MYH10: variants seen among roughly 807,000 people sequenced by gnomAD.
MYH10 encodes myosin-10.
In MYH10, 55 loss-of-function variants were observed where a neutral mutation model predicts 257.8. The ratio of observed to expected loss-of-function variants is 0.21; its 90% confidence interval spans 0.17 to 0.27. The LOEUF is 0.27. MYH10 is among the 10% of genes least tolerant of loss of function. The pLI, the probability that MYH10 is intolerant of heterozygous loss-of-function variation, is 1.00. For synonymous variants in MYH10, 854 were observed against 921.7 expected (o/e 0.93, Z 1.33); for missense variants, 1,631 against 2,500.6 (o/e 0.65, Z 7.42).
intron 37 of MYH10, among the ~76,000 whole-genome samples, chr17:8,481,904 G>A (rs1362215306): frequency 6.6e-6 from 1 of 152,246 alleles, no homozygotes; most frequent in Non-Finnish European, 1.5e-5. Flanking sequence ...GAGGAGGCAG[G>A]TGGGGGCCTC....
chr17:8,480,546 G>A (rs369085723), intron 38 of MYH10, 21 bp from the exon 39 acceptor site: 6 of 1,602,216 alleles, frequency 3.7e-6, no homozygotes, highest in Non-Finnish European at 4.2e-6. Context: ...GAGGAGGAGG[G>A]GACGGTTCAA....
chr17:8,590,469 T>G (rs944966212), intron 3 of MYH10, among the ~76,000 whole-genome samples: 1 of 151,774 alleles, frequency 6.6e-6, no homozygotes, highest in African/African-American at 2.4e-5. Context: ...GGTGCCACCA[T>G]GCCCGGCTAA....
At chr17:8,623,898 G>A (rs368606361) in intron 1 of MYH10, among the ~76,000 whole-genome samples, 3 of 152,130 alleles carry the variant, frequency 2.0e-5, no homozygotes, top group East Asian at 1.9e-4. Flanking sequence ...TCACACGGCA[G>A]CCTTTTGAAT....
At chr17:8,484,816 G>C (rs574071991) in intron 36 of MYH10, among the ~76,000 whole-genome samples, 1 of 152,252 alleles carries the variant, frequency 6.6e-6, no homozygotes, top group East Asian at 1.9e-4. Context: ...CTCTGATTAA[G>C]GGCATCAATG....
At chr17:8,555,249 C>T (rs1483486537) in intron 7 of MYH10, among the ~76,000 whole-genome samples, 1 of 152,128 alleles carries the variant, frequency 6.6e-6, no homozygotes, top group Non-Finnish European at 1.5e-5. Flanking sequence ...ATCATATAAA[C>T]AGTCAAGGGA....
intron 6 of MYH10, among the ~76,000 whole-genome samples, chr17:8,570,073 C>G (rs1159251160): frequency 6.6e-6 from 1 of 152,160 alleles, no homozygotes; most frequent in Admixed American, 6.5e-5. Context: ...TCAACTTAAG[C>G]ATGGGGCACG....
chr17:8,604,954 A>T lies in MYH10; in HGVS notation c.374T>A (p.Ile125Lys), dbSNP rs2084742628. The change falls in exon 3 of 43, where the codon ATA becomes AAA. Residue 125 changes from isoleucine to lysine, a missense_variant. Physicochemically the swap from Ile to Lys is moderately radical, Grantham distance 102. Around this residue, in one of 11 missense-constraint regions of MYH10, gnomAD observed 360 missense variants for 581.9 expected, o/e 0.62. Coordinates refer to ENST00000360416, the MANE Select transcript of MYH10 (RefSeq NM_001256012.3). ...AATTGGAAGATTCTTGTAAGGGTTT[A>T]TAACTACACAGAAGAGTCCAGAATA... is the stretch of plus-strand genomic sequence containing the variant. ...YTYSGLFCVVINPYKNLPIYS... is the reference protein window; with the variant it reads ...YTYSGLFCVVKNPYKNLPIYS... 1 of 1,554,762 alleles carries T rather than the reference A, an allele frequency of 6.4e-7. No homozygotes were observed. The highest frequency in any genetic ancestry group is 8.8e-7 in the Non-Finnish European group (1 of 1,131,866).
At chr17:8,553,869 G>A in intron 8 of MYH10, 86 bp downstream of exon 8, 1 of 1,045,908 alleles carries the variant, frequency 9.6e-7, no homozygotes, top group South Asian at 1.4e-5. Context: ...TGGATTTTGG[G>A]AGTGATATCA....
At chr17:8,512,734 G>A in intron 23 of MYH10, 77 bp from the exon 24 acceptor site, 1 of 1,158,916 alleles carries the variant, frequency 8.6e-7, no homozygotes, top group Non-Finnish European at 1.2e-6. Flanking sequence ...GATTTCAATG[G>A]TCAATGCACA....
chr17:8,483,397 G>A (rs1025794846), intron 37 of MYH10, among the ~76,000 whole-genome samples: 6 of 152,112 alleles, frequency 3.9e-5, no homozygotes, highest in East Asian at 1.9e-4. Flanking sequence ...GGTCGGCTCC[G>A]TGTTTACTGA....
At chr17:8,584,590 A>G (rs953361271) in intron 4 of MYH10, among the ~76,000 whole-genome samples, 1 of 152,118 alleles carries the variant, frequency 6.6e-6, no homozygotes, top group African/African-American at 2.4e-5. Context: ...AGTGTATGGC[A>G]TTTTTTGGCT....
chr17:8,490,226 T>A lies in MYH10; in HGVS notation c.4884+114A>T. 1.2e-6 allele frequency: 1 copy of A among 835,078 alleles called. No homozygotes were observed. The highest frequency in any genetic ancestry group is 2.0e-6 in the Non-Finnish European group (1 of 504,576). The allele number at this position is 835,078 out of a possible 1,614,324, so 51.7% of individuals were successfully genotyped here. On this transcript the variant is annotated intron_variant, in intron 35 of 42. Coordinates refer to ENST00000360416, the MANE Select transcript of MYH10 (RefSeq NM_001256012.3). The surrounding 1 kb of genome is among the most constrained non-coding windows in gnomAD (Gnocchi z 4.1). ...CCAAATAAATTCATTTTACTCTATG[T>A]GTTACTCTGTGTTTACTCAGATGTG...
chr17:8,491,806 A>G (rs6503124), intron 34 of MYH10, among the ~76,000 whole-genome samples: 77,604 of 151,932 alleles, frequency 0.51, 20,789 homozygotes, highest in Middle Eastern at 0.62. Flanking sequence ...AATGGAAAGA[A>G]AAACTGTGCC....
At chr17:8,508,378 C>T (rs1304724422) in intron 26 of MYH10, among the ~76,000 whole-genome samples, 176 bp downstream of exon 26, 3 of 152,186 alleles carry the variant, frequency 2.0e-5, no homozygotes, top group African/African-American at 7.2e-5. Flanking sequence ...GCTAGGATTA[C>T]AGGCCTGAGA....
chr17:8,596,608 T>A (rs1304334437), intron 3 of MYH10, among the ~76,000 whole-genome samples: 1 of 147,808 alleles, frequency 6.8e-6, no homozygotes, highest in African/African-American at 2.5e-5. Context: ...AGCAACCTTA[T>A]TCTTAAAATG....
Position 8,490,480 on chromosome 17 carries a change from G to C in MYH10, c.4744C>G (p.Leu1582Val). The change falls in exon 35 of 43, where the codon CTG becomes GTG. Residue 1582 changes from leucine (L) to valine (V), a missense_variant. Physicochemically the swap from Leu to Val is conservative, Grantham distance 32. Around this residue, in one of 11 missense-constraint regions of MYH10, gnomAD observed 463 missense variants for 621.8 expected, o/e 0.74. Transcript: ENST00000360416. The surrounding 1 kb of genome is among the most constrained non-coding windows in gnomAD (Gnocchi z 4.1). The part of the protein sequence containing the change: ...VEEMRTQLEE[L>V]EDELQATEDA... ...TCCGTGGCCTGGAGTTCGTCTTCCA[G>C]CTCCTCCAGCTGGGTCCTCATTTCC... 2 of 1,614,208 alleles carry C rather than the reference G, an allele frequency of 1.2e-6. No individual in the cohort carries two copies. The highest frequency in any genetic ancestry group is 1.1e-5 in the South Asian group (1 of 91,088).
chr17:8,531,314 C>T (rs2081997704), intron 16 of MYH10, among the ~76,000 whole-genome samples: 1 of 151,412 alleles, frequency 6.6e-6, no homozygotes, highest in South Asian at 2.1e-4. Context: ...TGAAAATATC[C>T]TAGGAGGTAC....
At chr17:8,501,154 C>T (rs929609528) in intron 28 of MYH10, among the ~76,000 whole-genome samples, 184 bp from the exon 29 acceptor site, 4 of 152,098 alleles carry the variant, frequency 2.6e-5, no homozygotes, top group Admixed American at 1.3e-4. Flanking sequence ...TCCTAGAGAG[C>T]TGAGTAGTGG....
In MYH10 at chr17:8,499,647, C is replaced by T. The variant is rs114287595; in HGVS notation, c.3745-171G>A. On this transcript the variant is annotated intron_variant, in intron 29 of 42. Coordinates refer to ENST00000360416, the MANE Select transcript of MYH10 (RefSeq NM_001256012.3). ...TGTTCTCTGAGTGTGAGGATTTCTA[C>T]GTAAGGAACACACGCGTACACACTG... is the stretch of plus-strand genomic sequence containing the variant. Among the ~76,000 whole-genome samples, 1,239 of 152,258 alleles carry T rather than the reference C, an allele frequency of 8.1e-3. 22 individuals carry two copies. The highest frequency in any genetic ancestry group is 0.027 in the African/African-American group (1,126 of 41,546).
Sources: allele counts gnomAD v4.1 joint callset (sites outside exome capture counted in the v4.1 genomes callset), GRCh38; gene constraint gnomAD v4.1.1; regional missense constraint gnomAD v4.1.1; non-coding constraint Gnocchi (gnomAD v3.1); transcripts MANE v1.5; gene names NCBI Gene and HGNC (gene_info 2026-07-23, HGNC 2026-07-21).